Variants in SMYD3 observed in about 807,000 individuals in gnomAD.
SMYD3 encodes SET and MYND domain containing 3.
A neutral mutation model predicts 57.7 loss-of-function variants in SMYD3; 36 were observed. The observed-to-expected ratio is 0.62, with a 90% CI of 0.48 to 0.82. The LOEUF (loss-of-function observed/expected upper bound fraction) is 0.82. SMYD3 is among the 40% of genes least tolerant of loss of function. SMYD3 has a pLI of 0.00. For missense variants in SMYD3, 515 were observed against 538.8 expected (o/e 0.96, Z 0.44); for synonymous variants, 211 against 195.0 (o/e 1.08, Z -0.68).
chr1:246,033,939 G>A (rs976544114), intron 5 of SMYD3, among the ~76,000 whole-genome samples: 3 of 152,094 alleles, frequency 2.0e-5, no homozygotes, highest in Non-Finnish European at 2.9e-5. Flanking sequence ...TCTTACAACT[G>A]TATATGAATC....
At chr1:246,423,815 C>T (rs927255146) in intron 1 of SMYD3, among the ~76,000 whole-genome samples, 2 of 152,098 alleles carry the variant, frequency 1.3e-5, no homozygotes, top group African/African-American at 2.4e-5. Context: ...GTCTAAGTTT[C>T]AGAACAAGTA....
chr1:246,413,279 A>G (rs2067006044), intron 1 of SMYD3, among the ~76,000 whole-genome samples: 1 of 152,172 alleles, frequency 6.6e-6, no homozygotes, highest in Non-Finnish European at 1.5e-5. Flanking sequence ...CACACAGTAA[A>G]TAGTCCAGCT....
chr1:246,366,153 T>C (rs1376326422), intron 1 of SMYD3, among the ~76,000 whole-genome samples: 2 of 152,106 alleles, frequency 1.3e-5, no homozygotes, highest in Admixed American at 6.6e-5. Context: ...CTCCCTCCCA[T>C]AGCTACCAAA....
chr1:245,817,356 C>A (rs1460711449), intron 10 of SMYD3, among the ~76,000 whole-genome samples: 1 of 146,482 alleles, frequency 6.8e-6, no homozygotes, highest in African/African-American at 2.6e-5. Context: ...AGAAGGAAAA[C>A]TAACAAACAG....
At chr1:246,147,532 A>G (rs1345015729) in intron 5 of SMYD3, among the ~76,000 whole-genome samples, 1 of 152,080 alleles carries the variant, frequency 6.6e-6, no homozygotes, top group Non-Finnish European at 1.5e-5. Context: ...TGGGAGCCTC[A>G]CCCATTCTGG....
intron 5 of SMYD3, among the ~76,000 whole-genome samples, chr1:246,194,330 C>T (rs553520085): frequency 5.6e-4 from 84 of 151,002 alleles, no homozygotes; most frequent in South Asian, 2.3e-3. Context: ...TGCAGTAGTG[C>T]GATCTCAGCT....
intron 1 of SMYD3, among the ~76,000 whole-genome samples, chr1:246,360,565 G>A (rs1462320858): frequency 6.6e-6 from 1 of 152,086 alleles, no homozygotes; most frequent in Non-Finnish European, 1.5e-5. Context: ...ATACTACAAG[G>A]CCACAGTCAC....
chr1:245,928,077 G>C, intron 6 of SMYD3, 44 bp from the exon 7 acceptor site: 1 of 1,523,134 alleles, frequency 6.6e-7, no homozygotes, highest in South Asian at 1.1e-5. Flanking sequence ...TCAGCAGGTA[G>C]AGTCAACTAA....
intron 1 of SMYD3, among the ~76,000 whole-genome samples, chr1:246,475,402 G>T (rs1050373354): frequency 6.6e-6 from 1 of 151,226 alleles, no homozygotes; most frequent in Admixed American, 6.6e-5. Context: ...CAGCACTTTG[G>T]GAGGCTGAGG....
At chr1:246,100,029 T>C (rs1054721674) in intron 5 of SMYD3, among the ~76,000 whole-genome samples, 1 of 152,192 alleles carries the variant, frequency 6.6e-6, no homozygotes, top group South Asian at 2.1e-4. Flanking sequence ...TCACTCTTCT[T>C]AATTGTTTTA....
Position 245,769,224 on chromosome 1 carries a change from T to C in SMYD3, c.1077-5075A>G, listed in dbSNP as rs141771364. Among the ~76,000 whole-genome samples, 25 of 152,324 alleles carry C rather than the reference T, an allele frequency of 1.6e-4. No individual in the cohort carries two copies. In the East Asian group the frequency reaches 4.4e-3, roughly 27 times the overall value. On this transcript the variant is annotated intron_variant, in intron 10 of 11. Transcript: ENST00000490107. ...AGAATTTTACAGTGGGTGGATTAAC[T>C]TGTCACCATCTAAATCCACTGATCA...
intron 1 of SMYD3, among the ~76,000 whole-genome samples, chr1:246,379,551 T>C (rs926823298): frequency 1.3e-5 from 2 of 152,164 alleles, no homozygotes; most frequent in Non-Finnish European, 2.9e-5. Flanking sequence ...CAATGAAAAA[T>C]TACTGAATTA....
chr1:245,827,627 A>ATC (rs2049576240), intron 10 of SMYD3, among the ~76,000 whole-genome samples: 1 of 41,248 alleles, frequency 2.4e-5, no homozygotes, highest in South Asian at 8.5e-4. Flanking sequence ...GTCCTACTCT[A>ATC]TGATCTTCCA....
intron 5 of SMYD3, among the ~76,000 whole-genome samples, chr1:246,254,377 C>G (rs1326818063): frequency 6.6e-6 from 1 of 152,164 alleles, no homozygotes; most frequent in Admixed American, 6.5e-5. Flanking sequence ...GCCCCAGCAC[C>G]ATTTATTGAC....
rs2065240291 is a variant in SMYD3 at position 246,321,106 on chromosome 1, T to G, written c.531+6095A>C. Among the ~76,000 whole-genome samples the G allele has an allele frequency of 2.6e-5, 4 of 152,218 alleles. No homozygotes were observed. In the South Asian group the frequency reaches 8.3e-4, roughly 32 times the overall value. ...AGCCTCAAGAAAAGACACCATTGCC[T>G]GTTTGCAAAATTTCTTCTCAACAAA... On this transcript the variant is annotated intron_variant, in intron 5 of 11. Transcript: ENST00000490107.
chr1:245,791,953 TG>T (rs1048030533), intron 10 of SMYD3, among the ~76,000 whole-genome samples: 1 of 26,090 alleles, frequency 3.8e-5, no homozygotes, highest in Non-Finnish European at 7.4e-5. Context: ...ATTTTAAACT[TG>T]TGTGTGTGTG....
chr1:246,364,234 A>C (rs137918766), intron 1 of SMYD3, among the ~76,000 whole-genome samples: 36 of 152,132 alleles, frequency 2.4e-4, no homozygotes, highest in African/African-American at 7.2e-4. Flanking sequence ...AAAAAAAAAA[A>C]AAAAACCTGA....
intron 1 of SMYD3, among the ~76,000 whole-genome samples, chr1:246,501,517 T>G (rs1284824944): frequency 6.6e-6 from 1 of 152,240 alleles, no homozygotes; most frequent in African/African-American, 2.4e-5. Context: ...ACCCATTATC[T>G]GACCACTCAC....
chr1:246,438,363 G>A (rs1289346707), intron 1 of SMYD3, among the ~76,000 whole-genome samples: 1 of 152,092 alleles, frequency 6.6e-6, no homozygotes. Flanking sequence ...AACACACATA[G>A]TAAAATAAAT....
Sources: gnomAD v4.1 joint callset for allele counts (sites outside exome capture counted in the v4.1 genomes callset) on GRCh38, gnomAD v4.1.1 for gene constraint, MANE v1.5 for transcripts, NCBI Gene and HGNC (gene_info 2026-07-23, HGNC 2026-07-21) for gene names.